CUEDC1: variants seen among roughly 807,000 people sequenced by gnomAD.
CUEDC1 encodes the protein CUE domain containing 1.
In CUEDC1, 30 loss-of-function variants were observed where a neutral mutation model predicts 43.7. The observed-to-expected ratio is 0.69, with a 90% confidence interval of 0.51 to 0.93. The LOEUF (loss-of-function observed/expected upper bound fraction) is 0.93, where lower values mean the gene tolerates loss of function less well. CUEDC1 is among the 40% of genes least tolerant of loss of function. CUEDC1 has a pLI of 0.00. For synonymous variants in CUEDC1, 223 were observed against 223.6 expected (o/e 1.00, Z 0.02); for missense variants, 486 against 549.0 (o/e 0.89, Z 1.15).
chr17:57,892,125 G>A lies in CUEDC1; in HGVS notation c.-315-6246C>T, dbSNP rs182616330. ...CTCCGGCTCACAGCAATGATGGGAG[G>A]GGGCCTTTTCAGTTTCCAAAGCCCT... On this transcript the variant is annotated intron_variant, in intron 1 of 10. Coordinates refer to ENST00000577830, the MANE Select transcript of CUEDC1 (RefSeq NM_001271875.2). Among the ~76,000 whole-genome samples, 11 of 152,210 alleles carry A rather than the reference G, an allele frequency of 7.2e-5. No individual in the cohort carries two copies. The East Asian group carries it at 1.5e-3, about 21-fold the overall frequency.
intron 1 of CUEDC1, among the ~76,000 whole-genome samples, chr17:57,909,254 C>A (rs920165294): frequency 3.9e-5 from 6 of 152,082 alleles, no homozygotes; most frequent in Admixed American, 2.6e-4. Flanking sequence ...CTCAGCCTCC[C>A]AAAGTGCTGG....
rs1474202526 is a variant in CUEDC1 at position 57,861,699 on chromosome 17, G to A, written c.*1590C>T. ...AAAAATAACAAAGCAACACTCAACA[G>A]ACATGGGGCTGGGGCTTCCCCCACA... On this transcript the variant is annotated 3_prime_UTR_variant, in exon 11 of 11. Coordinates refer to ENST00000577830, the MANE Select transcript of CUEDC1 (RefSeq NM_001271875.2). 6.6e-6 allele frequency: 1 copy of A among 152,296 alleles called. No homozygotes were observed. The highest frequency in any genetic ancestry group is 2.4e-5 in the African/African-American group (1 of 41,458). 9.4% of individuals were successfully genotyped at this position (152,296 alleles called of 1,614,324 possible).
chr17:57,866,415 A>G (rs2073958263), intron 10 of CUEDC1, 59 bp downstream of exon 10: 2 of 1,526,326 alleles, frequency 1.3e-6, no homozygotes, highest in South Asian at 1.1e-5. Context: ...TGTGGGGTGC[A>G]TAGTGTGGGG....
chr17:57,885,687 T>A lies in CUEDC1; in HGVS notation c.-123A>T. 7.7e-7 allele frequency: 1 copy of A among 1,290,604 alleles called. No homozygotes were observed. Among genetic ancestry groups the A allele is most frequent in the Non-Finnish European group, 9.8e-7 (1 of 1,020,588 alleles). The allele number at this position is 1,290,604 out of a possible 1,614,324, so 79.9% of individuals were successfully genotyped here. ...GGCAGCTCACTCCTGCGCCTCCTCC[T>A]CCCCGGGTAGCCAGGCAGCAATGGG... On this transcript the variant is annotated 5_prime_UTR_variant, in exon 2 of 11. Coordinates refer to ENST00000577830, the MANE Select transcript of CUEDC1 (RefSeq NM_001271875.2).
At chr17:57,931,018 G>C (rs754880771) in intron 1 of CUEDC1, among the ~76,000 whole-genome samples, 4 of 152,184 alleles carry the variant, frequency 2.6e-5, no homozygotes, top group African/African-American at 4.8e-5. Flanking sequence ...GCCGGGTGTG[G>C]TGGCTCCTGT....
Position 57,867,371 on chromosome 17 carries a change from TC to T in CUEDC1, c.1078del (p.Glu360ArgfsTer88). 1 of 1,552,186 alleles carries T rather than the reference TC, an allele frequency of 6.4e-7. No homozygotes were observed. Among genetic ancestry groups the T allele is most frequent in the Non-Finnish European group, 8.7e-7 (1 of 1,147,244 alleles). ...ASTANLLDDVEGHACDEDFRG... is the reference protein window; with the variant it reads ...ASTANLLDDVXGHACDEDFRG... The stretch of plus-strand genomic sequence containing the variant: ...TCCAGCCTCACCACACGCGTGGCCC[TC>T]CACATCATCCAGGAGGTTGGCTGTT... On this transcript the variant is annotated frameshift_variant, in exon 9 of 11. Transcript: ENST00000577830. LOFTEE classifies it high-confidence loss of function.
chr17:57,885,325 G>T lies in CUEDC1; in HGVS notation c.240C>A (p.Thr80=). 6.2e-7 allele frequency: 1 copy of T among 1,611,388 alleles called. No homozygotes were observed. The highest frequency in any genetic ancestry group is 8.5e-7 in the Non-Finnish European group (1 of 1,179,438). Residue 80 remains threonine (T), a synonymous_variant, in exon 2 of 11, where the codon ACC becomes ACA. Transcript: ENST00000577830. ...GGTTCATCTGCAGCAGCTGGTCGATGGTGGCGTCCACAGCGCCGCTGTTGG... is the reference window on the plus strand; with the variant it reads ...GGTTCATCTGCAGCAGCTGGTCGATTGTGGCGTCCACAGCGCCGCTGTTGG... The part of the protein sequence containing the change: ...LRANSGAVDA[T]IDQLLQMNLE...
At chr17:57,884,703 C>T (rs745550729) in intron 2 of CUEDC1, among the ~76,000 whole-genome samples, 55 of 152,330 alleles carry the variant, frequency 3.6e-4, no homozygotes, top group South Asian at 8.3e-4. Context: ...AGGGTTTCGG[C>T]TTAGCCATCG....
At position 57,954,953 on chromosome 17, in the gene CUEDC1, C is replaced by CG. The variant is rs1427167663; in HGVS notation, c.-316+271dup. ...CCCCGCTCCCGGCCCCCCAGATGCC[C>CG]GCACGCCCCCCGCGCCCGGGGCCCG... On this transcript the variant is annotated intron_variant, in intron 1 of 10. Transcript: ENST00000577830. This position sits in a 1 kb window ranked among gnomAD's most constrained non-coding sequence, Gnocchi z 4.3. Among the ~76,000 whole-genome samples, 1 of 151,718 alleles carries CG rather than the reference C, an allele frequency of 6.6e-6. No individual in the cohort carries two copies. Among genetic ancestry groups the CG allele is most frequent in the Non-Finnish European group, 1.5e-5 (1 of 67,854 alleles).
At chr17:57,926,717 T>C (rs1032800004) in intron 1 of CUEDC1, among the ~76,000 whole-genome samples, 1 of 152,384 alleles carries the variant, frequency 6.6e-6, no homozygotes, top group Middle Eastern at 3.4e-3. Flanking sequence ...GAAGTCATTA[T>C]AAAGTGAAGG....
intron 3 of CUEDC1, among the ~76,000 whole-genome samples, chr17:57,876,856 G>T (rs879294333): frequency 6.6e-6 from 1 of 152,188 alleles, no homozygotes; most frequent in African/African-American, 2.4e-5. Context: ...CTGATTATAG[G>T]TCTGGTCTAT....
At chr17:57,888,641 T>C (rs1039844229) in intron 1 of CUEDC1, among the ~76,000 whole-genome samples, 1 of 152,238 alleles carries the variant, frequency 6.6e-6, no homozygotes, top group Non-Finnish European at 1.5e-5. Context: ...GTATGCAGCT[T>C]CGCCTGGGCT....
At chr17:57,952,651 C>A (rs1273879710) in intron 1 of CUEDC1, among the ~76,000 whole-genome samples, 1 of 152,146 alleles carries the variant, frequency 6.6e-6, no homozygotes, top group African/African-American at 2.4e-5. Context: ...CTTCCTGTGC[C>A]CCAAGGCTCT....
chr17:57,909,778 A>T (rs1015419884), intron 1 of CUEDC1, among the ~76,000 whole-genome samples: 2 of 152,198 alleles, frequency 1.3e-5, no homozygotes, highest in Admixed American at 6.5e-5. Context: ...CCCTGTCCTG[A>T]GTGTGCAAAT....
At chr17:57,953,223 T>C (rs2075024800) in intron 1 of CUEDC1, among the ~76,000 whole-genome samples, 1 of 152,158 alleles carries the variant, frequency 6.6e-6, no homozygotes, top group African/African-American at 2.4e-5. Flanking sequence ...AATATCCACC[T>C]CCACCCAAAT....
intron 3 of CUEDC1, among the ~76,000 whole-genome samples, chr17:57,877,358 T>TA: frequency 6.6e-6 from 1 of 152,222 alleles, no homozygotes; most frequent in African/African-American, 2.4e-5. Flanking sequence ...CAGCCAAGCG[T>TA]GACGGTATGC....
At chr17:57,952,266 A>T (rs2075014333) in intron 1 of CUEDC1, among the ~76,000 whole-genome samples, 1 of 151,140 alleles carries the variant, frequency 6.6e-6, no homozygotes. Flanking sequence ...TGCTCTTGTC[A>T]TCCAGGTTGG....
chr17:57,893,349 A>ATGTGTGTG lies in CUEDC1; in HGVS notation c.-315-7478_-315-7471dup, dbSNP rs147335365. Reference sequence around the variant, plus strand: ...AGCAAGAGACAGAGGCTCTCAGGGTATGTGTGTGTGTGTGTGTGTGTGTGT... The same window carrying ATGTGTGTG: ...AGCAAGAGACAGAGGCTCTCAGGGTATGTGTGTGTGTGTGTGTGTGTGTGTGTGTGTGT... On this transcript the variant is annotated intron_variant, in intron 1 of 10. Coordinates refer to ENST00000577830, the MANE Select transcript of CUEDC1 (RefSeq NM_001271875.2). Among the ~76,000 whole-genome samples, 104 of 148,358 alleles carry ATGTGTGTG rather than the reference A, an allele frequency of 7.0e-4. 1 individual carries two copies. The highest frequency in any genetic ancestry group is 2.2e-3 in the East Asian group (11 of 5,066).
chr17:57,948,113 G>A (rs2074974560), intron 1 of CUEDC1, among the ~76,000 whole-genome samples: 1 of 152,130 alleles, frequency 6.6e-6, no homozygotes, highest in Admixed American at 6.5e-5. Flanking sequence ...ATTAAGTCTT[G>A]GATTATCTGT....
Sources: allele counts gnomAD v4.1 joint callset (sites outside exome capture counted in the v4.1 genomes callset), GRCh38; gene constraint gnomAD v4.1.1; non-coding constraint Gnocchi (gnomAD v3.1); transcripts MANE v1.5; gene names NCBI Gene and HGNC (gene_info 2026-07-23, HGNC 2026-07-21).